The following UAP1L1 variants were observed in gnomAD, a reference collection of about 807,000 sequenced individuals.
UAP1L1 encodes the protein UDP-N-acetylglucosamine pyrophosphorylase 1 like 1, also known as UDP-N-acetylhexosamine pyrophosphorylase-like protein 1.
In UAP1L1, 45 loss-of-function variants were observed where a neutral mutation model predicts 45.3. The ratio of observed to expected loss-of-function variants is 0.99; its 90% CI spans 0.78 to 1.27. The LOEUF is 1.27. Ranked by LOEUF, UAP1L1 falls within the 50% of genes most tolerant of loss-of-function variation. The pLI, the probability that UAP1L1 is intolerant of heterozygous loss-of-function variation, is 0.00. For synonymous variants in UAP1L1, 323 were observed against 303.9 expected (o/e 1.06, Z -0.65); for missense variants, 667 against 694.0 (o/e 0.96, Z 0.44).
At chr9:137,080,326 T>C (rs1218171527) in intron 6 of UAP1L1, 184 bp downstream of exon 6, 1 of 708,954 alleles carries the variant, frequency 1.4e-6, no homozygotes, top group South Asian at 1.8e-5. Flanking sequence ...GGTGGGGGCA[T>C]AGGGAGTCCT....
chr9:137,079,911 C>G, intron 5 of UAP1L1, 91 bp from the exon 6 acceptor site: 1 of 1,509,992 alleles, frequency 6.6e-7, no homozygotes, highest in Middle Eastern at 2.4e-4. Context: ...CTGTCCCACC[C>G]AGCTGGGTGT....
Position 137,077,695 on chromosome 9 carries a change from G to C in UAP1L1, c.163G>C (p.Glu55Gln). 5 of 1,150,302 alleles carry C rather than the reference G, an allele frequency of 4.3e-6. No individual in the cohort carries two copies. The highest frequency in any genetic ancestry group is 5.3e-6 in the Non-Finnish European group (5 of 936,474). The allele number at this position is 1,150,302 out of a possible 1,614,324, so 71.3% of individuals were successfully genotyped here. A position where few individuals can be genotyped will look rare whatever the true frequency, so the allele number is the denominator to read the frequency against. Residue 55 changes from glutamate (E) to glutamine (Q), a missense_variant, in exon 1 of 9, where the codon GAG becomes CAG. By Grantham distance (29) the Glu-to-Gln change is conservative (BLOSUM62 2). Coordinates refer to ENST00000409858, the MANE Select transcript of UAP1L1 (RefSeq NM_207309.3). This position sits in a 1 kb window ranked among gnomAD's most constrained non-coding sequence, Gnocchi z 4.7. ...GCGCGAGCACTGCCGGCGGGCGGCG[G>C]AGGCCTGCGCGCGCCCCCACGGCCC... ...ALREHCRRAA[E>Q]ACARPHGPPP...
At position 137,077,708 on chromosome 9, in the gene UAP1L1, G is replaced by A. The variant is rs1157397194; in HGVS notation, c.176G>A (p.Arg59His). 6 of 1,149,922 alleles carry A rather than the reference G, an allele frequency of 5.2e-6. No individual in the cohort carries two copies. Among genetic ancestry groups the A allele is most frequent in the African/African-American group, 1.6e-5 (1 of 61,282 alleles). 71.2% of individuals were successfully genotyped at this position (1,149,922 alleles called of 1,614,324 possible). A position where few individuals can be genotyped will look rare whatever the true frequency, so the allele number is the denominator to read the frequency against. The change falls in exon 1 of 9, where the codon CGC (arginine) becomes CAC (histidine). Residue 59 changes from arginine (R) to histidine (H), a missense_variant. By Grantham distance (29) the Arg-to-His change is conservative (BLOSUM62 0). Transcript: ENST00000409858. This position sits in a 1 kb window ranked among gnomAD's most constrained non-coding sequence, Gnocchi z 4.7. ...HCRRAAEACA[R>H]PHGPPPDLAA... ...CGGCGGGCGGCGGAGGCCTGCGCGC[G>A]CCCCCACGGCCCGCCGCCCGACTTG...
At chr9:137,080,607 A>G in intron 6 of UAP1L1, 82 bp from the exon 7 acceptor site, 1 of 1,380,852 alleles carries the variant, frequency 7.2e-7, no homozygotes. Context: ...TCACTCTGTC[A>G]CTGGAAACCT....
chr9:137,078,994 A>C lies in UAP1L1; in HGVS notation c.689A>C (p.Tyr230Ser), dbSNP rs751679618. The C allele has an allele frequency of 6.3e-7, 1 of 1,595,138 alleles. No individual in the cohort carries two copies. Among genetic ancestry groups the C allele is most frequent in the Admixed American group, 1.9e-5 (1 of 52,772 alleles). The change falls in exon 4 of 9, where the codon TAC becomes TCC. Residue 230 changes from tyrosine to serine, a missense_variant. Coordinates refer to ENST00000409858, the MANE Select transcript of UAP1L1 (RefSeq NM_207309.3). ...TCTGCAGACGGCAACGGGGGCCTCT[A>C]CTGCGCGCTGGAGGACCACAAGATC... ...AMAPDGNGGL[Y>S]CALEDHKILE...
At chr9:137,079,846 T>G in intron 5 of UAP1L1, 156 bp from the exon 6 acceptor site, 2 of 852,336 alleles carry the variant, frequency 2.3e-6, no homozygotes, top group Non-Finnish European at 3.7e-6. Context: ...TGCTTCTCCC[T>G]GGAGATCTGG....
At position 137,082,757 on chromosome 9, in the gene UAP1L1, C is replaced by A. The variant is rs7851653; in HGVS notation, c.*28C>A. 6.6e-7 allele frequency: 1 copy of A among 1,524,056 alleles called. No homozygotes were observed. Among genetic ancestry groups the A allele is most frequent in the Non-Finnish European group, 8.8e-7 (1 of 1,131,146 alleles). The allele number at this position is 1,524,056 out of a possible 1,614,324, so 94.4% of individuals were successfully genotyped here. Reference sequence around the variant, plus strand: ...CGCCCAGACTGTCCCCAGACTCCCCCGAGACCTGCCAGCCCCGGCATCCTG... The same window carrying A: ...CGCCCAGACTGTCCCCAGACTCCCCAGAGACCTGCCAGCCCCGGCATCCTG... On this transcript the variant is annotated 3_prime_UTR_variant, in exon 9 of 9. Coordinates refer to ENST00000409858, the MANE Select transcript of UAP1L1 (RefSeq NM_207309.3). This position sits in a 1 kb window ranked among gnomAD's most constrained non-coding sequence, Gnocchi z 5.7.
intron 7 of UAP1L1, 48 bp from the exon 8 acceptor site, chr9:137,081,950 C>T (rs1238490644): frequency 2.8e-5 from 45 of 1,592,052 alleles, no homozygotes; most frequent in Non-Finnish European, 3.8e-5. Context: ...TGGGGGAGGG[C>T]TCTGGGCAGG....
Position 137,079,155 on chromosome 9 carries a change from G to T in UAP1L1, c.843+7G>T, listed in dbSNP as rs766784573. The T allele has an allele frequency of 6.2e-7, 1 of 1,606,394 alleles. No homozygotes were observed. The highest frequency in any genetic ancestry group is 1.1e-5 in the South Asian group (1 of 90,188). On this transcript the variant is annotated splice_region_variant and intron_variant, in intron 4 of 8. Coordinates refer to ENST00000409858, the MANE Select transcript of UAP1L1 (RefSeq NM_207309.3). ...CGCAGACTGTGGCGCCAAGGTTAGC[G>T]CCCGACTGCGCGGCGCCCCGCACCC... is the stretch of plus-strand genomic sequence containing the variant.
In UAP1L1 at chr9:137,077,953, C is replaced by T; in HGVS notation, c.290-97C>T. The T allele has an allele frequency of 6.6e-7, 1 of 1,526,268 alleles. No homozygotes were observed. The highest frequency in any genetic ancestry group is 8.7e-7 in the Non-Finnish European group (1 of 1,143,034). The allele number at this position is 1,526,268 out of a possible 1,614,324, so 94.5% of individuals were successfully genotyped here. On this transcript the variant is annotated intron_variant, in intron 1 of 8. Coordinates refer to ENST00000409858, the MANE Select transcript of UAP1L1 (RefSeq NM_207309.3). This position sits in a 1 kb window ranked among gnomAD's most constrained non-coding sequence, Gnocchi z 4.7. ...ACGTGTCTCGCCTCACGCGTTCCGG[C>T]CCCCGAGTCCTGGCGCCCCAGCCCC...
chr9:137,082,743 T>C lies in UAP1L1; in HGVS notation c.*14T>C, dbSNP rs4390039. The C allele has an allele frequency of 1, 1,542,607 of 1,543,290 alleles. 770,965 individuals carry two copies. The highest frequency in any genetic ancestry group is 1 in the Non-Finnish European group (1,145,182 of 1,145,250). On this transcript the variant is annotated 3_prime_UTR_variant, in exon 9 of 9. Coordinates refer to ENST00000409858, the MANE Select transcript of UAP1L1 (RefSeq NM_207309.3). This position sits in a 1 kb window ranked among gnomAD's most constrained non-coding sequence, Gnocchi z 5.7. ...CAGGAGTCCTGACCCGCCCAGACTG[T>C]CCCCAGACTCCCCCGAGACCTGCCA...
Position 137,079,147 on chromosome 9 carries a change from A to T in UAP1L1, c.842A>T (p.Lys281Met), listed in dbSNP as rs1375002309. 5.0e-6 allele frequency: 8 copies of T among 1,609,540 alleles called. No homozygotes were observed. Among genetic ancestry groups the T allele is most frequent in the Non-Finnish European group, 5.9e-6 (7 of 1,178,944 alleles). ...TTGCAGGGCGCAGACTGTGGCGCCA[A>T]GGTTAGCGCCCGACTGCGCGGCGCC... ...CVLQGADCGAKVVEKAYPEEP... is the reference protein window; with the variant it reads ...CVLQGADCGAMVVEKAYPEEP... Residue 281 changes from lysine (K) to methionine (M), a missense_variant and splice_region_variant, in exon 4 of 9, where the codon AAG (lysine) becomes ATG (methionine). Physicochemically the swap from Lys to Met is moderately conservative, Grantham distance 95. Transcript: ENST00000409858.
At chr9:137,078,327 C>T (rs753546017) in intron 2 of UAP1L1, 73 bp downstream of exon 2, 74 of 1,521,208 alleles carry the variant, frequency 4.9e-5, no homozygotes, top group Admixed American at 7.9e-5. Flanking sequence ...GCTCCAGACG[C>T]GAGCCCCAAC....
At chr9:137,080,458 A>G in intron 6 of UAP1L1, 1 of 599,902 alleles carries the variant, frequency 1.7e-6, no homozygotes, top group African/African-American at 1.9e-5. Context: ...TTTGGCCCTC[A>G]CTGCAGGGGT....
At position 137,077,959 on chromosome 9, in the gene UAP1L1, AG is replaced by A. The variant is rs1832718484; in HGVS notation, c.290-90del. 3.9e-6 allele frequency: 6 copies of A among 1,529,786 alleles called. No individual in the cohort carries two copies. Among genetic ancestry groups the A allele is most frequent in the Non-Finnish European group, 4.4e-6 (5 of 1,144,514 alleles). 94.8% of individuals were successfully genotyped at this position (1,529,786 alleles called of 1,614,324 possible). On this transcript the variant is annotated intron_variant, in intron 1 of 8. Coordinates refer to ENST00000409858, the MANE Select transcript of UAP1L1 (RefSeq NM_207309.3). The surrounding 1 kb of genome is among the most constrained non-coding windows in gnomAD (Gnocchi z 4.7). ...CTCGCCTCACGCGTTCCGGCCCCCG[AG>A]TCCTGGCGCCCCAGCCCCAGAGTTG...
At position 137,080,820 on chromosome 9, in the gene UAP1L1, G is replaced by A. The variant is rs371959305; in HGVS notation, c.1310G>A (p.Arg437Gln). Residue 437 changes from arginine to glutamine, a missense_variant, in exon 7 of 9, where the codon CGG (arginine) becomes CAG (glutamine). Transcript: ENST00000409858. ...LLTQHYRWAL[R>Q]AGARFLDAHG... Reference sequence around the variant, plus strand: ...ACCCAGCACTACCGGTGGGCTCTGCGGGCCGGGGCCCGCTTCCTGGATGCC... The same window carrying A: ...ACCCAGCACTACCGGTGGGCTCTGCAGGCCGGGGCCCGCTTCCTGGATGCC... 5.0e-6 allele frequency: 8 copies of A among 1,610,210 alleles called. No individual in the cohort carries two copies. Among genetic ancestry groups the A allele is most frequent in the Middle Eastern group, 3.3e-4 (2 of 6,010 alleles).
At position 137,077,950 on chromosome 9, in the gene UAP1L1, C is replaced by T; in HGVS notation, c.290-100C>T. ...GAGACGTGTCTCGCCTCACGCGTTC[C>T]GGCCCCCGAGTCCTGGCGCCCCAGC... On this transcript the variant is annotated intron_variant, in intron 1 of 8. Transcript: ENST00000409858. This position sits in a 1 kb window ranked among gnomAD's most constrained non-coding sequence, Gnocchi z 4.7. The T allele has an allele frequency of 6.6e-7, 1 of 1,526,058 alleles. No homozygotes were observed. Among genetic ancestry groups the T allele is most frequent in the Non-Finnish European group, 8.7e-7 (1 of 1,142,926 alleles). 94.5% of individuals were successfully genotyped at this position (1,526,058 alleles called of 1,614,324 possible). A position where few individuals can be genotyped will look rare whatever the true frequency, so the allele number is the denominator to read the frequency against.
intron 2 of UAP1L1, 97 bp downstream of exon 2, chr9:137,078,351 G>C (rs531334290): frequency 1.3e-6 from 2 of 1,551,616 alleles, no homozygotes; most frequent in East Asian, 2.3e-5. Flanking sequence ...GGCACAGACC[G>C]GGACATTGCC....
chr9:137,081,491 G>A (rs1050845127), intron 7 of UAP1L1, among the ~76,000 whole-genome samples: 4 of 151,916 alleles, frequency 2.6e-5, no homozygotes, highest in African/African-American at 4.8e-5. Flanking sequence ...GATTACAGGC[G>A]TGAGCCACCT....
Sources: allele counts gnomAD v4.1 joint callset (sites outside exome capture counted in the v4.1 genomes callset), GRCh38; gene constraint gnomAD v4.1.1; non-coding constraint Gnocchi (gnomAD v3.1); transcripts MANE v1.5; gene names NCBI Gene and HGNC (gene_info 2026-07-23, HGNC 2026-07-21).